The following GRK3 variants were observed in gnomAD, a reference collection of about 807,000 sequenced individuals.
GRK3 encodes the protein G protein-coupled receptor kinase 3.
GRK3 carries 54 observed loss-of-function variants against 95.7 expected under a neutral mutation model. The ratio of observed to expected loss-of-function variants is 0.56; its 90% CI spans 0.45 to 0.71. The LOEUF is 0.71. Among genes scored for constraint, GRK3 ranks in the 30% least tolerant of loss-of-function variants. The probability of loss-of-function intolerance (pLI) is 0.00; values close to 1 mark genes in which losing one functional copy is unlikely to be tolerated. For missense variants in GRK3, 649 were observed against 851.2 expected (o/e 0.76, Z 2.96); for synonymous variants, 281 against 290.8 (o/e 0.97, Z 0.34).
chr22:25,719,833 T>G (rs2085417493), intron 19 of GRK3, among the ~76,000 whole-genome samples: 2 of 152,204 alleles, frequency 1.3e-5, no homozygotes, highest in Non-Finnish European at 2.9e-5. Flanking sequence ...ACAGGGCACC[T>G]AAATCTCATG....
chr22:25,641,502 G>A (rs571181980), intron 2 of GRK3, among the ~76,000 whole-genome samples: 1 of 152,288 alleles, frequency 6.6e-6, no homozygotes, highest in East Asian at 1.9e-4. Context: ...TAGTGGGAGA[G>A]GTAGACAGTA....
At chr22:25,587,351 G>A (rs1276231923) in intron 1 of GRK3, among the ~76,000 whole-genome samples, 1 of 152,192 alleles carries the variant, frequency 6.6e-6, no homozygotes, top group African/African-American at 2.4e-5. Context: ...AGTCTCTTCT[G>A]TATTATTCCT....
At chr22:25,584,676 T>A (rs6004710) in intron 1 of GRK3, among the ~76,000 whole-genome samples, 23,052 of 150,586 alleles carry the variant, frequency 0.15, 824 homozygotes, top group African/African-American at 0.38. Context: ...TTACTGTGCC[T>A]AACTGATAAA....
intron 3 of GRK3, among the ~76,000 whole-genome samples, chr22:25,660,785 C>T (rs1330054445): frequency 1.3e-5 from 2 of 152,162 alleles, no homozygotes; most frequent in Non-Finnish European, 2.9e-5. Context: ...TCATTCTCTT[C>T]TTGTCTTTTG....
intron 2 of GRK3, among the ~76,000 whole-genome samples, chr22:25,634,873 T>C (rs2084688569): frequency 6.6e-6 from 1 of 152,238 alleles, no homozygotes; most frequent in African/African-American, 2.4e-5. Flanking sequence ...TTATATATAA[T>C]CTTAGTCATA....
intron 18 of GRK3, among the ~76,000 whole-genome samples, chr22:25,717,899 A>G (rs979222091): frequency 1.1e-4 from 16 of 152,228 alleles, no homozygotes; most frequent in Non-Finnish European, 2.1e-4. Flanking sequence ...CTTTGGGGAT[A>G]GCTTGACTTT....
At chr22:25,630,971 A>G (rs946451751) in intron 2 of GRK3, among the ~76,000 whole-genome samples, 2 of 152,232 alleles carry the variant, frequency 1.3e-5, no homozygotes, top group African/African-American at 4.8e-5. Context: ...TTTGAAATGT[A>G]GAGTTAAATA....
rs149815997 is a variant in GRK3, at chr22:25,704,047, G to A, written c.1228-62G>A. 116 of 1,239,738 alleles carry A rather than the reference G, an allele frequency of 9.4e-5. No individual in the cohort carries two copies. In the African/African-American group the frequency reaches 1.6e-3, roughly 17 times the overall value. 76.8% of individuals were successfully genotyped at this position (1,239,738 alleles called of 1,614,324 possible). On this transcript the variant is annotated intron_variant, in intron 14 of 20. Transcript: ENST00000324198. ...ATCCCAGTAATAGTCTTTAAGTCTG[G>A]TTGAGTGTTAGGATGCTGTTTCATG...
chr22:25,702,756 A>G, intron 13 of GRK3: 1 of 455,414 alleles, frequency 2.2e-6, no homozygotes, highest in Non-Finnish European at 4.4e-6. Flanking sequence ...GTGTACTGCC[A>G]TTGTCTTGGC....
intron 2 of GRK3, among the ~76,000 whole-genome samples, chr22:25,630,569 G>C (rs2084657348): frequency 1.3e-5 from 2 of 152,132 alleles, no homozygotes; most frequent in African/African-American, 4.8e-5. Flanking sequence ...CCATTGGAAG[G>C]GTTTGATAGA....
At chr22:25,660,267 C>T (rs770203940) in intron 3 of GRK3, among the ~76,000 whole-genome samples, 31 of 152,174 alleles carry the variant, frequency 2.0e-4, no homozygotes, top group Non-Finnish European at 3.5e-4. Flanking sequence ...GACTTGTTCT[C>T]CTGAATTGAC....
At chr22:25,657,291 A>T (rs1269728517) in intron 3 of GRK3, among the ~76,000 whole-genome samples, 2 of 152,194 alleles carry the variant, frequency 1.3e-5, no homozygotes, top group African/African-American at 4.8e-5. Flanking sequence ...AAAGGGTGTT[A>T]AAATTTTCAA....
intron 2 of GRK3, among the ~76,000 whole-genome samples, chr22:25,612,441 T>G (rs2084505470): frequency 6.6e-6 from 1 of 152,190 alleles, no homozygotes; most frequent in Non-Finnish European, 1.5e-5. Context: ...TGAGTTTTTT[T>G]GTAGTGATCT....
At chr22:25,687,496 A>C in intron 10 of GRK3, 41 bp from the exon 11 acceptor site, 1 of 1,604,868 alleles carries the variant, frequency 6.2e-7, no homozygotes, top group South Asian at 1.1e-5. Context: ...TGTTTCCTTT[A>C]AATTAACATG....
chr22:25,688,152 A>C (rs561396137), intron 11 of GRK3, among the ~76,000 whole-genome samples: 3 of 146,272 alleles, frequency 2.1e-5, no homozygotes, highest in South Asian at 2.3e-4. Context: ...AGGAGAACGG[A>C]GTGAACCTGG....
At chr22:25,600,326 G>A (rs1331573377) in intron 1 of GRK3, among the ~76,000 whole-genome samples, 1 of 152,000 alleles carries the variant, frequency 6.6e-6, no homozygotes, top group East Asian at 1.9e-4. Flanking sequence ...TTGTAGTAAA[G>A]ACAGGGTTTC....
rs180719478 is a variant in GRK3, at chr22:25,683,846, C to T, written c.748-1324C>T. On this transcript the variant is annotated intron_variant, in intron 9 of 20. Transcript: ENST00000324198. ...GTCTTTTTACTCTGTTAATGGTATC[C>T]TCTGATGAATAGAAGTTCTTAATTT... 3.1e-3 allele frequency among the ~76,000 whole-genome samples: 470 copies of T among 152,136 alleles called. 2 individuals are homozygous for T. Among genetic ancestry groups the T allele is most frequent in the Non-Finnish European group, 4.9e-3 (331 of 68,000 alleles).
At chr22:25,610,665 A>G (rs2146346654) in intron 2 of GRK3, among the ~76,000 whole-genome samples, 1 of 152,238 alleles carries the variant, frequency 6.6e-6, no homozygotes, top group East Asian at 1.9e-4. Context: ...ACAAACACTC[A>G]TCTGTCTGTT....
chr22:25,673,912 T>C (rs182096874), intron 7 of GRK3, among the ~76,000 whole-genome samples: 2 of 152,124 alleles, frequency 1.3e-5, no homozygotes, highest in East Asian at 3.9e-4. Flanking sequence ...CTCTATTCAC[T>C]GATGTTACCA....
Sources: gnomAD v4.1 joint callset for allele counts (sites outside exome capture counted in the v4.1 genomes callset) on GRCh38, gnomAD v4.1.1 for gene constraint, MANE v1.5 for transcripts, NCBI Gene and HGNC (gene_info 2026-07-23, HGNC 2026-07-21) for gene names.